Variants in SDK1 observed in about 807,000 individuals in gnomAD.
SDK1 encodes sidekick cell adhesion molecule 1, also known as protein sidekick-1.
In SDK1, 157 loss-of-function variants were observed where a neutral mutation model predicts 245.5. The observed-to-expected ratio is 0.64, with a 90% CI of 0.56 to 0.73. The LOEUF (loss-of-function observed/expected upper bound fraction) is 0.73, where lower values mean the gene tolerates loss of function less well. Ranked by LOEUF, SDK1 falls within the 30% of genes least tolerant of loss-of-function variation. The pLI is 0.00. For synonymous variants in SDK1, 1,647 were observed against 1,278.5 expected (o/e 1.29, Z -6.15); for missense variants, 3,583 against 3,002.3 (o/e 1.19, Z -4.52).
intron 4 of SDK1, among the ~76,000 whole-genome samples, chr7:3,774,464 C>T (rs529758371): frequency 4.6e-5 from 7 of 152,338 alleles, no homozygotes; most frequent in Admixed American, 2.0e-4. Context: ...AACATGTGCA[C>T]AGCTGCCTGC....
At chr7:4,074,908 ATATATATATTTTTT>A (rs1451545945) in intron 20 of SDK1, among the ~76,000 whole-genome samples, 1 of 77,454 alleles carries the variant, frequency 1.3e-5, no homozygotes, top group Non-Finnish European at 2.2e-5. Context: ...ATATATATAT[ATATATATATTTTTT>A]TTTTTTTTTA....
In SDK1 at chr7:4,221,348, C is replaced by G. The variant is rs370797282; in HGVS notation, c.5811C>G (p.Ile1937Met). Residue 1937 changes from isoleucine to methionine, a missense_variant, in exon 40 of 45, where the codon ATC becomes ATG. Ile to Met is a conservative substitution (Grantham distance 10, BLOSUM62 1). Transcript: ENST00000404826. ...SGDTPTTGYV[I>M]EARPSDEGLW... ...ACACACCTACCACGGGCTATGTGAT[C>G]GAGGCCCGGCCCTCAGGTAGGGTGG... The G allele has an allele frequency of 1.2e-5, 19 of 1,609,716 alleles. No homozygotes were observed. The highest frequency in any genetic ancestry group is 1.0e-5 in the Non-Finnish European group (12 of 1,178,266).
At chr7:3,346,758 T>A (rs1360984398) in intron 1 of SDK1, among the ~76,000 whole-genome samples, 66 of 139,754 alleles carry the variant, frequency 4.7e-4, no homozygotes, top group African/African-American at 1.7e-3. Flanking sequence ...TATGTGTGTG[T>A]GTATATATGT....
chr7:3,441,524 A>C (rs118106961), intron 1 of SDK1, among the ~76,000 whole-genome samples: 6 of 152,256 alleles, frequency 3.9e-5, no homozygotes, highest in Non-Finnish European at 8.8e-5. Flanking sequence ...TTGTCCATGT[A>C]TGTGTGGATC....
chr7:3,848,927 C>T (rs1042917906), intron 5 of SDK1, among the ~76,000 whole-genome samples: 1 of 152,342 alleles, frequency 6.6e-6, no homozygotes, highest in Admixed American at 6.5e-5. Context: ...ACCTCGGCCT[C>T]CCAAAGTGCC....
intron 32 of SDK1, among the ~76,000 whole-genome samples, chr7:4,172,735 C>G (rs1237967599): frequency 6.6e-6 from 1 of 152,160 alleles, no homozygotes; most frequent in Non-Finnish European, 1.5e-5. Flanking sequence ...GAGGATCCTT[C>G]CTGCCTCTTC....
chr7:3,454,394 G>GTC (rs1780611220), intron 1 of SDK1, among the ~76,000 whole-genome samples: 1 of 146,228 alleles, frequency 6.8e-6, no homozygotes, highest in South Asian at 2.2e-4. Flanking sequence ...AGATTTGTGT[G>GTC]TGTGTGTGTG....
At position 3,821,475 on chromosome 7, in the gene SDK1, G is replaced by A. The variant is rs1482710352; in HGVS notation, c.739G>A (p.Val247Met). ...RIAITLENQL[V>M]ILATTTSDAG... The stretch of plus-strand genomic sequence containing the variant: ...AGCCATCACATTGGAGAATCAGCTG[G>A]TGATCCTCGCCACCACAACCAGTGA... The change falls in exon 5 of 45, where the codon GTG becomes ATG. Residue 247 changes from valine to methionine, a missense_variant. Coordinates refer to ENST00000404826, the MANE Select transcript of SDK1 (RefSeq NM_152744.4). 3 of 1,613,390 alleles carry A rather than the reference G, an allele frequency of 1.9e-6. No individual in the cohort carries two copies. The highest frequency in any genetic ancestry group is 2.5e-6 in the Non-Finnish European group (3 of 1,179,710).
intron 35 of SDK1, among the ~76,000 whole-genome samples, chr7:4,194,811 A>G (rs1783485983): frequency 6.6e-6 from 1 of 152,240 alleles, no homozygotes; most frequent in Non-Finnish European, 1.5e-5. Flanking sequence ...ACCCTCACAG[A>G]CACGCCCAGG....
At chr7:3,826,353 A>G (rs186912573) in intron 5 of SDK1, among the ~76,000 whole-genome samples, 167 of 152,340 alleles carry the variant, frequency 1.1e-3, no homozygotes, top group African/African-American at 3.9e-3. Flanking sequence ...CACTTTGTGA[A>G]TGGAAATCCA....
At chr7:3,422,141 A>G (rs74733251) in intron 1 of SDK1, among the ~76,000 whole-genome samples, 3,192 of 152,328 alleles carry the variant, frequency 0.021, 108 homozygotes, top group African/African-American at 0.066. Flanking sequence ...ATACAGAGAC[A>G]ATTCTGTATC....
At chr7:3,442,651 G>A (rs1051762503) in intron 1 of SDK1, among the ~76,000 whole-genome samples, 1 of 152,172 alleles carries the variant, frequency 6.6e-6, no homozygotes, top group African/African-American at 2.4e-5. Flanking sequence ...TTTTCTTTGA[G>A]AATATGGAAA....
intron 1 of SDK1, among the ~76,000 whole-genome samples, chr7:3,582,080 C>T (rs1053801295): frequency 1.4e-5 from 2 of 145,666 alleles, no homozygotes; most frequent in East Asian, 2.0e-4. Flanking sequence ...GTAGGTCTCC[C>T]TCAGGTAGGC....
intron 17 of SDK1, among the ~76,000 whole-genome samples, chr7:4,021,385 G>C (rs199547781): frequency 1.3e-5 from 2 of 152,260 alleles, no homozygotes; most frequent in East Asian, 3.9e-4. Flanking sequence ...CTCAGAGTTT[G>C]TGGCTATCTG....
Position 4,266,885 on chromosome 7 carries a change from AC to A in SDK1, c.*1502del. The A allele has an allele frequency of 1.0e-6, 1 of 985,464 alleles. No individual in the cohort carries two copies. The highest frequency in any genetic ancestry group is 1.2e-6 in the Non-Finnish European group (1 of 829,976). 61.0% of individuals were successfully genotyped at this position (985,464 alleles called of 1,614,324 possible). ...GTCAGTGCCCCCCAGTGCACGGCAA[AC>A]GGGCAGGTGCCGTTCCCCCAGTGAC... is the stretch of plus-strand genomic sequence containing the variant. On this transcript the variant is annotated 3_prime_UTR_variant, in exon 45 of 45. Coordinates refer to ENST00000404826, the MANE Select transcript of SDK1 (RefSeq NM_152744.4).
chr7:4,143,897 G>A (rs938715160), intron 28 of SDK1, among the ~76,000 whole-genome samples: 2 of 152,328 alleles, frequency 1.3e-5, no homozygotes, highest in Non-Finnish European at 2.9e-5. Flanking sequence ...CATGGGAAGC[G>A]TTGCAGGGAT....
intron 1 of SDK1, among the ~76,000 whole-genome samples, chr7:3,331,004 C>T (rs374391259): frequency 1.3e-5 from 2 of 151,484 alleles, no homozygotes; most frequent in East Asian, 3.9e-4. Flanking sequence ...CAGTGGCTCA[C>T]GTCTGTAATC....
intron 1 of SDK1, among the ~76,000 whole-genome samples, chr7:3,574,756 GAAAC>G (rs936711313): frequency 6.6e-6 from 1 of 152,050 alleles, no homozygotes; most frequent in Admixed American, 6.6e-5. Flanking sequence ...TTAAAGTTAC[GAAAC>G]AAACCAACTA....
At chr7:3,701,670 C>T (rs1263305010) in intron 4 of SDK1, among the ~76,000 whole-genome samples, 2 of 152,004 alleles carry the variant, frequency 1.3e-5, no homozygotes, top group Non-Finnish European at 2.9e-5. Context: ...AATAGGTGAA[C>T]AGTTTTGGAA....
Sources: gnomAD v4.1 joint callset for allele counts (sites outside exome capture counted in the v4.1 genomes callset) on GRCh38, gnomAD v4.1.1 for gene constraint, MANE v1.5 for transcripts, NCBI Gene and HGNC (gene_info 2026-07-23, HGNC 2026-07-21) for gene names.